Variants in PLAU observed in about 807,000 individuals in gnomAD.
PLAU encodes urokinase-type plasminogen activator.
PLAU carries 32 observed loss-of-function variants against 48.9 expected under a neutral mutation model. The observed-to-expected ratio is 0.65, with a 90% confidence interval of 0.49 to 0.88. PLAU has a LOEUF of 0.88. PLAU is among the 40% of genes least tolerant of loss of function. PLAU has a pLI of 0.00. For synonymous variants in PLAU, 199 were observed against 205.7 expected, an observed-to-expected ratio of 0.97 and a Z score of 0.28; for missense variants, 455 against 545.2, an observed-to-expected ratio of 0.83 and a Z score of 1.65.
rs2096138161 is a variant in PLAU, at chr10:73,916,868, T to C, written c.*303T>C. The C allele has an allele frequency of 3.2e-6, 1 of 317,150 alleles. No homozygotes were observed. The highest frequency in any genetic ancestry group is 2.2e-5 in the African/African-American group (1 of 46,452). The allele number at this position is 317,150 out of a possible 1,614,324, so 19.6% of individuals were successfully genotyped here. On this transcript the variant is annotated 3_prime_UTR_variant, in exon 11 of 11. Coordinates refer to ENST00000372764, the MANE Select transcript of PLAU (RefSeq NM_002658.6). ...GAGTTAAAAAGGGCAGGGCATCTCC[T>C]GTGCATGGGTGAAGGGAGAGCCAGC...
At position 73,912,928 on chromosome 10, in the gene PLAU, G is replaced by C. The variant is rs1162735777; in HGVS notation, c.198G>C (p.Lys66Asn). ...KFGGQHCEID[K>N]SKTCYEGNGH... is the part of the protein sequence containing the mutation. ...CATCCTCCTGTCCCCTTGTAGATAA[G>C]TCAAAAACCTGCTATGAGGGGAATG... is the stretch of plus-strand genomic sequence containing the variant. Residue 66 changes from lysine (K) to asparagine (N), a missense_variant, in exon 5 of 11, where the codon AAG (lysine) becomes AAC (asparagine). Lys to Asn is a moderately conservative substitution (Grantham distance 94). Transcript: ENST00000372764. 1 of 1,608,716 alleles carries C rather than the reference G, an allele frequency of 6.2e-7. No individual in the cohort carries two copies.
chr10:73,915,068 A>G (rs2096133620), intron 9 of PLAU, 152 bp downstream of exon 9: 7 of 1,049,210 alleles, frequency 6.7e-6, no homozygotes, highest in Non-Finnish European at 8.4e-6. Context: ...AGTGTTGTTT[A>G]GGGAGCGATG....
At chr10:73,911,930 G>A (rs1417600650) in intron 2 of PLAU, 111 bp from the exon 3 acceptor site, 2 of 1,606,050 alleles carry the variant, frequency 1.2e-6, no homozygotes, top group African/African-American at 1.3e-5. Flanking sequence ...AACAGGGTGA[G>A]GCGAGAGGGA....
intron 7 of PLAU, 41 bp downstream of exon 7, chr10:73,913,799 C>T (rs780600442): frequency 2.0e-6 from 3 of 1,488,884 alleles, no homozygotes; most frequent in Non-Finnish European, 2.8e-6. Context: ...TTCTGCCCCA[C>T]CCCAAGCACA....
chr10:73,912,828 C>T (rs906364494), intron 4 of PLAU, 96 bp from the exon 5 acceptor site: 13 of 948,298 alleles, frequency 1.4e-5, no homozygotes, highest in African/African-American at 3.3e-5. Flanking sequence ...TCCAACTGGG[C>T]GACAGAGCAA....
intron 8 of PLAU, 97 bp downstream of exon 8, chr10:73,914,225 C>G: frequency 1.5e-6 from 2 of 1,322,208 alleles, no homozygotes; most frequent in Non-Finnish European, 2.1e-6. Flanking sequence ...CCCGGTGGGG[C>G]AGGGGTGGGG....
chr10:73,912,863 A>G (rs955587234), intron 4 of PLAU, 61 bp from the exon 5 acceptor site: 4 of 1,344,412 alleles, frequency 3.0e-6, no homozygotes, highest in East Asian at 4.6e-5. Flanking sequence ...AAAAAAAAAT[A>G]AAAGTTAGTT....
rs781144342 is a variant in PLAU, at chr10:73,915,416, T to G, written c.1119+17T>G. On this transcript the variant is annotated intron_variant, in intron 10 of 10. Coordinates refer to ENST00000372764, the MANE Select transcript of PLAU (RefSeq NM_002658.6). The stretch of plus-strand genomic sequence containing the variant: ...TCCTGCCAGGTGAGTGTTCCAAGCA[T>G]CTCTCTCCACCTCTTCCATATCTCC... The G allele has an allele frequency of 1.3e-6, 2 of 1,591,280 alleles. No homozygotes were observed. Among genetic ancestry groups the G allele is most frequent in the South Asian group, 1.1e-5 (1 of 87,636 alleles).
intron 8 of PLAU, 50 bp downstream of exon 8, chr10:73,914,178 G>C (rs2096131366): frequency 6.3e-7 from 1 of 1,597,042 alleles, no homozygotes. Flanking sequence ...TGGGGAGAGT[G>C]GGACCCAGGG....
upstream of PLAU, chr10:73,910,991 C>A (rs1436700800): frequency 1.9e-5 from 3 of 154,308 alleles, no homozygotes; most frequent in East Asian, 5.8e-4. Flanking sequence ...ATCGCGCTTC[C>A]CCCAAATCTT....
At chr10:73,910,684 T>C (rs1271747258), upstream of PLAU, 4 of 152,292 alleles carry the variant, frequency 2.6e-5, no homozygotes, top group Admixed American at 2.0e-4. Context: ...TCTCGTACAT[T>C]TGTCGCGTTG....
chr10:73,911,841 C>A, intron 2 of PLAU, 200 bp from the exon 3 acceptor site: 2 of 1,552,244 alleles, frequency 1.3e-6, no homozygotes, highest in Non-Finnish European at 8.7e-7. Flanking sequence ...CTGCGGGCAT[C>A]TGGTAGATGA....
rs1277570273 is a variant in PLAU at position 73,915,156 on chromosome 10, T to C, written c.971-95T>C. The C allele has an allele frequency of 8.3e-6, 11 of 1,328,310 alleles. No homozygotes were observed. The East Asian group carries it at 2.1e-4, about 25-fold the overall frequency. The allele number at this position is 1,328,310 out of a possible 1,614,324, so 82.3% of individuals were successfully genotyped here. On this transcript the variant is annotated intron_variant, in intron 9 of 10. Coordinates refer to ENST00000372764, the MANE Select transcript of PLAU (RefSeq NM_002658.6). ...TTTGCATGGAAGAGAATAAGGGCCT[T>C]CCCTGGTAGAGATACTTTATGGTTC...
intron 1 of PLAU, 23 bp downstream of exon 1, chr10:73,911,241 C>T (rs1461819203): frequency 4.5e-6 from 2 of 445,392 alleles, no homozygotes; most frequent in Non-Finnish European, 8.0e-6. Context: ...GTCCTGAGAT[C>T]CCCGGGCCGG....
chr10:73,916,710 C>T lies in PLAU; in HGVS notation c.*145C>T, dbSNP rs1036156626. 22 of 669,324 alleles carry T rather than the reference C, an allele frequency of 3.3e-5. No individual in the cohort carries two copies. The highest frequency in any genetic ancestry group is 5.8e-5 in the Admixed American group (2 of 34,674). The allele number at this position is 669,324 out of a possible 1,614,324, so 41.5% of individuals were successfully genotyped here. A position where few individuals can be genotyped will look rare whatever the true frequency, so the allele number is the denominator to read the frequency against. The stretch of plus-strand genomic sequence containing the variant: ...TGCCTGTGCCACCCACCAGGGCGAA[C>T]GACAATAGCTTTACCCTCAGGCATA... On this transcript the variant is annotated 3_prime_UTR_variant, in exon 11 of 11. Transcript: ENST00000372764.
At chr10:73,916,253 A>G (rs1591619646) in intron 10 of PLAU, 136 bp from the exon 11 acceptor site, 1 of 788,388 alleles carries the variant, frequency 1.3e-6, no homozygotes, top group East Asian at 2.7e-5. Context: ...CCCCCCGAAA[A>G]AAAGAAAGAA....
rs943346824 is a variant in PLAU, at chr10:73,913,749, A to C, written c.671A>C (p.His224Pro). The change falls in exon 7 of 11, where the codon CAC (histidine) becomes CCC (proline). Residue 224 changes from histidine to proline, a missense_variant. Transcript: ENST00000372764. ...CCTTGCTGGGTGATCAGCGCCACAC[A>C]CTGCTTCATGTACGGCCCTGGGTTT... ...ISPCWVISATHCFIDYPKKED... is the reference protein window; with the variant it reads ...ISPCWVISATPCFIDYPKKED... 6.3e-7 allele frequency: 1 copy of C among 1,594,348 alleles called. No individual in the cohort carries two copies. The highest frequency in any genetic ancestry group is 1.7e-5 in the Admixed American group (1 of 57,406).
chr10:73,913,940 T>G, intron 7 of PLAU, 40 bp from the exon 8 acceptor site: 1 of 1,597,750 alleles, frequency 6.3e-7, no homozygotes, highest in South Asian at 1.1e-5. Context: ...GTGGCAGATT[T>G]CATGGGACTA....
chr10:73,916,460 C>A lies in PLAU; in HGVS notation c.1191C>A (p.Gly397=). 6.2e-7 allele frequency: 1 copy of A among 1,613,884 alleles called. No individual in the cohort carries two copies. The change falls in exon 11 of 11, where the codon GGC becomes GGA. Residue 397 remains glycine (G), a synonymous_variant. Coordinates refer to ENST00000372764, the MANE Select transcript of PLAU (RefSeq NM_002658.6). ...CTTTGACTGGAATTGTGAGCTGGGG[C>A]CGTGGATGTGCCCTGAAGGACAAGC... The part of the protein sequence containing the change: ...RMTLTGIVSW[G]RGCALKDKPG...
Sources: gnomAD v4.1 joint callset for allele counts on GRCh38, gnomAD v4.1.1 for gene constraint, MANE v1.5 for transcripts, NCBI Gene and HGNC (gene_info 2026-07-23, HGNC 2026-07-21) for gene names.